The following CORO7 variants were observed in gnomAD, a reference collection of about 807,000 sequenced individuals.
CORO7 encodes coronin 7.
CORO7 carries 107 observed loss-of-function variants against 126.6 expected under a neutral mutation model. The observed-to-expected ratio is 0.85, with a 90% CI of 0.72 to 0.99. The LOEUF (loss-of-function observed/expected upper bound fraction) is 0.99. Ranked by LOEUF, CORO7 falls within the 50% of genes least tolerant of loss-of-function variation. CORO7 has a pLI of 0.00. For synonymous variants in CORO7, 603 were observed against 536.8 expected (o/e 1.12, Z -1.70); for missense variants, 1,314 against 1,255.8 (o/e 1.05, Z -0.70).
intron 9 of CORO7, among the ~76,000 whole-genome samples, chr16:4,380,227 T>G (rs2054904605): frequency 6.6e-6 from 1 of 152,140 alleles, no homozygotes; most frequent in Admixed American, 6.5e-5. Flanking sequence ...AGGGGACACC[T>G]GCCAATGCCT....
At chr16:4,393,680 G>A (rs1350964895) in intron 7 of CORO7, among the ~76,000 whole-genome samples, 1 of 152,184 alleles carries the variant, frequency 6.6e-6, no homozygotes, top group Non-Finnish European at 1.5e-5. Flanking sequence ...TAGAAATGGG[G>A]AGGGGGTATC....
At chr16:4,363,445 G>A (rs1344258303) in intron 14 of CORO7, among the ~76,000 whole-genome samples, 4 of 151,986 alleles carry the variant, frequency 2.6e-5, no homozygotes, top group South Asian at 2.1e-4. Flanking sequence ...GGTGGTGCGC[G>A]CCTGTAATCC....
Position 4,407,704 on chromosome 16 carries a change from C to G in CORO7, c.304-20G>C, listed in dbSNP as rs762231239. On this transcript the variant is annotated intron_variant, in intron 4 of 27. Transcript: ENST00000251166. ...TTTTACCTGCAAGAAAGACCAAGTCCGTGAGCACAGGGCTGAGGGCCTCAC... is the reference window on the plus strand; with the variant it reads ...TTTTACCTGCAAGAAAGACCAAGTCGGTGAGCACAGGGCTGAGGGCCTCAC... The G allele has an allele frequency of 1.7e-5, 26 of 1,563,448 alleles. No individual in the cohort carries two copies. The highest frequency in any genetic ancestry group is 2.2e-5 in the Non-Finnish European group (26 of 1,157,074).
chr16:4,391,592 G>A (rs1294211811), intron 7 of CORO7, among the ~76,000 whole-genome samples: 5 of 152,092 alleles, frequency 3.3e-5, no homozygotes, highest in Admixed American at 6.5e-5. Context: ...CTAGCTTGAC[G>A]TGGTGGTGCG....
At chr16:4,373,631 C>T (rs901003307) in intron 9 of CORO7, among the ~76,000 whole-genome samples, 1 of 152,136 alleles carries the variant, frequency 6.6e-6, no homozygotes, top group South Asian at 2.1e-4. Context: ...GATGGGTCCG[C>T]GGCTCCTAGC....
At chr16:4,389,247 T>G (rs1342688898) in intron 7 of CORO7, among the ~76,000 whole-genome samples, 6 of 152,160 alleles carry the variant, frequency 3.9e-5, no homozygotes, top group African/African-American at 1.4e-4. Context: ...CCCGAGGTGC[T>G]GGAGCTGCCA....
In CORO7 at chr16:4,415,329, C is replaced by T. The variant is rs116917279; in HGVS notation, c.60+1130G>A. Among the ~76,000 whole-genome samples, 216 of 152,290 alleles carry T rather than the reference C, an allele frequency of 1.4e-3. 3 individuals are homozygous for T. The East Asian group carries it at 0.04, about 28-fold the overall frequency. On this transcript the variant is annotated intron_variant, in intron 1 of 27. Coordinates refer to ENST00000251166, the MANE Select transcript of CORO7 (RefSeq NM_024535.5). ...TTCTCCACCAGGCTCTTTCTCAATT[C>T]TCACCCTTCTGGCCTCAGCTAAAAT...
intron 9 of CORO7, among the ~76,000 whole-genome samples, chr16:4,387,209 T>C (rs1472865123): frequency 6.6e-6 from 1 of 152,076 alleles, no homozygotes; most frequent in African/African-American, 2.4e-5. Context: ...CCAGCTGTGT[T>C]GTGGGTGGTC....
In CORO7 at chr16:4,357,187, T is replaced by TACCTCCTC; in HGVS notation, c.2665_2666insGAGGAGGT (p.Asp889GlyfsTer12). ...GCCTACCTCCTCCTTCTTTTGCTGG[T>TACCTCCTC]CAGACTTTTCTTCCAGGTACTGCGC... is the stretch of plus-strand genomic sequence containing the variant. On this transcript the variant is annotated frameshift_variant, in exon 26 of 28. Transcript: ENST00000251166. LOFTEE classifies it high-confidence loss of function. 1 of 1,613,772 alleles carries TACCTCCTC rather than the reference T, an allele frequency of 6.2e-7. No homozygotes were observed. The highest frequency in any genetic ancestry group is 2.2e-5 in the East Asian group (1 of 44,862).
chr16:4,360,428 G>GC lies in CORO7; in HGVS notation c.2022+15dup, dbSNP rs1474928948. 1 of 1,612,916 alleles carries GC rather than the reference G, an allele frequency of 6.2e-7. No individual in the cohort carries two copies. The highest frequency in any genetic ancestry group is 8.5e-7 in the Non-Finnish European group (1 of 1,179,842). ...GAACCAGGTCTGAGGCCACTCCCCA[G>GC]CCCCTGTGTGCTCACCTGCAGGGGC... On this transcript the variant is annotated intron_variant, in intron 20 of 27. Coordinates refer to ENST00000251166, the MANE Select transcript of CORO7 (RefSeq NM_024535.5).
intron 26 of CORO7, 107 bp downstream of exon 26, chr16:4,357,061 A>AT: frequency 7.1e-7 from 1 of 1,410,910 alleles, no homozygotes; most frequent in African/African-American, 1.4e-5. Flanking sequence ...GGGACGTGAC[A>AT]TGTGGCTGCT....
At chr16:4,371,517 C>G (rs999171141) in intron 9 of CORO7, among the ~76,000 whole-genome samples, 4 of 152,238 alleles carry the variant, frequency 2.6e-5, no homozygotes, top group Admixed American at 2.6e-4. Flanking sequence ...CGCAGAGGCC[C>G]TGGGGTGGAC....
Position 4,416,460 on chromosome 16 carries a change from T to C in CORO7, c.59A>G (p.Glu20Gly). 6.4e-7 allele frequency: 1 copy of C among 1,573,110 alleles called. No individual in the cohort carries two copies. Among genetic ancestry groups the C allele is most frequent in the Non-Finnish European group, 8.6e-7 (1 of 1,163,810 alleles). Residue 20 changes from glutamate to glycine, a missense_variant and splice_region_variant, in exon 1 of 28, where the codon GAG becomes GGG. By Grantham distance (98) the Glu-to-Gly change is moderately conservative. Coordinates refer to ENST00000251166, the MANE Select transcript of CORO7 (RefSeq NM_024535.5). ...GCCCGGTCCTCGGGCCGGACTCACCTCGCGGCGGGGCGGCCGAGCCTCGGT... is the reference window on the plus strand; with the variant it reads ...GCCCGGTCCTCGGGCCGGACTCACCCCGCGGCGGGGCGGCCGAGCCTCGGT... The part of the protein sequence containing the change: ...RHTEARPPRR[E>G]SWISDIRAGT...
In CORO7 at chr16:4,363,660, C is replaced by T. The variant is rs2054256480; in HGVS notation, c.1275+616G>A. The stretch of plus-strand genomic sequence containing the variant: ...CTGGGAGGCGGAGGTTGCAGTGAGC[C>T]GAGATCGCACCATTGCACTCCAGCC... On this transcript the variant is annotated intron_variant, in intron 14 of 27. Coordinates refer to ENST00000251166, the MANE Select transcript of CORO7 (RefSeq NM_024535.5). Among the ~76,000 whole-genome samples the T allele has an allele frequency of 3.9e-5, 6 of 151,976 alleles. No homozygotes were observed. The South Asian group carries it at 8.3e-4, about 21-fold the overall frequency.
At chr16:4,358,312 C>G (rs749265894) in intron 24 of CORO7, 55 bp downstream of exon 24, 2 of 1,590,928 alleles carry the variant, frequency 1.3e-6, no homozygotes, top group Non-Finnish European at 1.7e-6. Flanking sequence ...ACCCAAACTC[C>G]CCTCTAGGCA....
At chr16:4,394,154 C>T (rs1177694199) in intron 7 of CORO7, among the ~76,000 whole-genome samples, 4 of 151,762 alleles carry the variant, frequency 2.6e-5, no homozygotes, top group Non-Finnish European at 4.4e-5. Flanking sequence ...GCTTAAAACT[C>T]CCTAATGGTG....
chr16:4,405,798 G>A (rs948554661), intron 5 of CORO7, among the ~76,000 whole-genome samples: 2 of 145,176 alleles, frequency 1.4e-5, no homozygotes, highest in East Asian at 3.9e-4. Flanking sequence ...ACCTTCCGAG[G>A]CTTCCCGCTC....
intron 9 of CORO7, among the ~76,000 whole-genome samples, chr16:4,367,628 C>T (rs1043145577): frequency 6.6e-6 from 1 of 152,094 alleles, no homozygotes; most frequent in Non-Finnish European, 1.5e-5. Context: ...AGGGGTGATC[C>T]CTGCGATCCC....
chr16:4,405,428 A>C (rs1596335443), intron 6 of CORO7, 63 bp downstream of exon 6: 1 of 1,545,578 alleles, frequency 6.5e-7, no homozygotes, highest in Non-Finnish European at 8.7e-7. Context: ...GGCCCAGCCC[A>C]GGGGGTCCCA....
Sources: gnomAD v4.1 joint callset for allele counts (sites outside exome capture counted in the v4.1 genomes callset) on GRCh38, gnomAD v4.1.1 for gene constraint, MANE v1.5 for transcripts, NCBI Gene and HGNC (gene_info 2026-07-23, HGNC 2026-07-21) for gene names.